The following TMEM63A variants were observed in gnomAD, a reference collection of about 807,000 sequenced individuals.
TMEM63A encodes the protein mechanosensitive cation channel TMEM63A.
A neutral mutation model predicts 100.6 loss-of-function variants in TMEM63A; 76 were observed. That is an observed-to-expected ratio of 0.76 (90% CI 0.63 to 0.91). TMEM63A has a LOEUF of 0.91. Ranked by LOEUF, TMEM63A falls within the 40% of genes least tolerant of loss-of-function variation. The probability of loss-of-function intolerance (pLI) is 0.00; values close to 1 mark genes in which losing one functional copy is unlikely to be tolerated. For synonymous variants in TMEM63A, 401 were observed against 401.1 expected (o/e 1.00, Z 0.00); for missense variants, 876 against 1,008.8 (o/e 0.87, Z 1.78).
chr1:225,866,562 C>G lies in TMEM63A; in HGVS notation c.675+12G>C. 1 of 1,612,160 alleles carries G rather than the reference C, an allele frequency of 6.2e-7. No homozygotes were observed. Among genetic ancestry groups the G allele is most frequent in the Admixed American group, 1.7e-5 (1 of 59,950 alleles). ...CCTCCCAGCACATGTCCCTAAGTCC[C>G]GCCTCACTCACCAGGTTCTCCTCTT... On this transcript the variant is annotated intron_variant, in intron 9 of 24. Coordinates refer to ENST00000366835, the MANE Select transcript of TMEM63A (RefSeq NM_014698.3).
At chr1:225,880,743 A>T (rs1559055440) in intron 1 of TMEM63A, among the ~76,000 whole-genome samples, 1 of 152,208 alleles carries the variant, frequency 6.6e-6, no homozygotes, top group African/African-American at 2.4e-5. Context: ...CAAGCGTCTG[A>T]TTGTGGCCAG....
chr1:225,870,245 T>C (rs188670168), intron 6 of TMEM63A, among the ~76,000 whole-genome samples: 2 of 151,408 alleles, frequency 1.3e-5, no homozygotes, highest in Non-Finnish European at 2.9e-5. Context: ...TCAGCTACTC[T>C]GGAGGCTGAG....
rs906189846 is a variant in TMEM63A at position 225,846,666 on chromosome 1, T to C, written c.*273A>G. ...CTCTCCATATATTCTCCCGGACTCA[T>C]CAGTTTGGGGGGCGAAAAGTCCACC... On this transcript the variant is annotated 3_prime_UTR_variant, in exon 25 of 25. Coordinates refer to ENST00000366835, the MANE Select transcript of TMEM63A (RefSeq NM_014698.3). 2 of 192,508 alleles carry C rather than the reference T, an allele frequency of 1.0e-5. No homozygotes were observed. The highest frequency in any genetic ancestry group is 4.7e-5 in the African/African-American group (2 of 42,990). 11.9% of individuals were successfully genotyped at this position (192,508 alleles called of 1,614,324 possible). A position where few individuals can be genotyped will look rare whatever the true frequency, so the allele number is the denominator to read the frequency against.
At position 225,865,793 on chromosome 1, in the gene TMEM63A, A is replaced by C; in HGVS notation, c.746+104T>G. The C allele has an allele frequency of 8.5e-7, 1 of 1,170,546 alleles. No individual in the cohort carries two copies. Among genetic ancestry groups the C allele is most frequent in the South Asian group, 1.3e-5 (1 of 75,374 alleles). 72.5% of individuals were successfully genotyped at this position (1,170,546 alleles called of 1,614,324 possible). On this transcript the variant is annotated intron_variant, in intron 10 of 24. Coordinates refer to ENST00000366835, the MANE Select transcript of TMEM63A (RefSeq NM_014698.3). The surrounding 1 kb of genome is among the most constrained non-coding windows in gnomAD (Gnocchi z 4.6). ...TTCTCAGATCTCACCTGGATACCCA[A>C]GCGAGAGACAGAAGGCGCTCACCTA...
At chr1:225,870,927 C>T (rs1208122381) in intron 6 of TMEM63A, 149 bp downstream of exon 6, 1 of 737,518 alleles carries the variant, frequency 1.4e-6, no homozygotes. Context: ...TGATTCTCAG[C>T]CCTCACATAC....
chr1:225,881,027 G>A (rs917117374), intron 1 of TMEM63A, among the ~76,000 whole-genome samples: 1 of 152,240 alleles, frequency 6.6e-6, no homozygotes, highest in Admixed American at 6.5e-5. Context: ...TTCTGCCTCA[G>A]GAGCTAACTC....
intron 22 of TMEM63A, 58 bp from the exon 23 acceptor site, chr1:225,848,612 A>C: frequency 6.4e-7 from 1 of 1,554,664 alleles, no homozygotes. Flanking sequence ...GTGAACAAAC[A>C]CCCTCCAAAC....
Position 225,866,614 on chromosome 1 carries a change from C to A in TMEM63A, c.635G>T (p.Arg212Leu). The change falls in exon 9 of 25, where the codon CGG becomes CTG. Residue 212 changes from arginine (R) to leucine (L), a missense_variant. Transcript: ENST00000366835. ...IYLFLTVGFM[R>L]HHTQSIKYKE... ...GTACTTAATGGACTGAGTGTGGTGC[C>A]GCATGAAACCCACAGTGAGGAAGAG... is the stretch of plus-strand genomic sequence containing the variant. 6.2e-7 allele frequency: 1 copy of A among 1,614,014 alleles called. No homozygotes were observed. Among genetic ancestry groups the A allele is most frequent in the South Asian group, 1.1e-5 (1 of 91,064 alleles).
Position 225,865,779 on chromosome 1 carries a change from C to T in TMEM63A, c.746+118G>A, listed in dbSNP as rs2102627850. ...GCAGGGCCAGGTCCTTCTCAGATCTCACCTGGATACCCAAGCGAGAGACAG... is the reference window on the plus strand; with the variant it reads ...GCAGGGCCAGGTCCTTCTCAGATCTTACCTGGATACCCAAGCGAGAGACAG... On this transcript the variant is annotated intron_variant, in intron 10 of 24. Transcript: ENST00000366835. This position sits in a 1 kb window ranked among gnomAD's most constrained non-coding sequence, Gnocchi z 4.6. 9.7e-7 allele frequency: 1 copy of T among 1,028,058 alleles called. No homozygotes were observed. The highest frequency in any genetic ancestry group is 1.5e-6 in the Non-Finnish European group (1 of 687,806). The allele number at this position is 1,028,058 out of a possible 1,614,324, so 63.7% of individuals were successfully genotyped here.
intron 10 of TMEM63A, chr1:225,863,902 GA>G (rs1670067617): frequency 8.4e-6 from 1 of 118,720 alleles, no homozygotes; most frequent in Admixed American, 9.6e-5. Flanking sequence ...GCAACAGAGT[GA>G]GACTCCGTCT....
chr1:225,850,628 C>G (rs987526234), intron 20 of TMEM63A, among the ~76,000 whole-genome samples: 1 of 152,198 alleles, frequency 6.6e-6, no homozygotes, highest in African/African-American at 2.4e-5. Context: ...TAAATGCGAA[C>G]TTCGCCTGGC....
chr1:225,860,641 TG>T, intron 14 of TMEM63A: 1 of 404,796 alleles, frequency 2.5e-6, no homozygotes, highest in Non-Finnish European at 4.3e-6. Flanking sequence ...ATATTTCTGC[TG>T]GGTAGCACTT....
intron 1 of TMEM63A, among the ~76,000 whole-genome samples, chr1:225,881,631 C>T (rs1181852500): frequency 6.6e-6 from 1 of 152,214 alleles, no homozygotes; most frequent in East Asian, 1.9e-4. Flanking sequence ...AAGGGAGGGT[C>T]AGTGGGTCCG....
At chr1:225,861,154 C>T (rs774677812) in intron 13 of TMEM63A, 157 bp from the exon 14 acceptor site, 54 of 727,816 alleles carry the variant, frequency 7.4e-5, no homozygotes, top group African/African-American at 1.3e-4. Context: ...AGAGGTGCCA[C>T]GCTAGCACAG....
intron 1 of TMEM63A, among the ~76,000 whole-genome samples, chr1:225,880,058 G>A (rs2102651163): frequency 6.6e-6 from 1 of 152,266 alleles, no homozygotes; most frequent in Non-Finnish European, 1.5e-5. Flanking sequence ...CCCCAGTCAT[G>A]CCTCTAAGTT....
At chr1:225,844,634 C>T, downstream of TMEM63A, 1 of 1,613,736 alleles carries the variant, frequency 6.2e-7, no homozygotes, top group Non-Finnish European at 8.5e-7. Context: ...GTGAGCCTGG[C>T]TGAGCCGAGA....
chr1:225,845,103 C>CAGGGCCA (rs760222387), downstream of TMEM63A: 38 of 1,603,892 alleles, frequency 2.4e-5, no homozygotes, highest in African/African-American at 3.9e-4. Context: ...CGGAGGGGCG[C>CAGGGCCA]AGGGCCACAG....
In TMEM63A at chr1:225,867,123, GT is replaced by G; in HGVS notation, c.554del (p.Asn185ThrfsTer42). 6.2e-7 allele frequency: 1 copy of G among 1,614,112 alleles called. No homozygotes were observed. ...GGCTCCATACTCACTCAGTCTGTAG[GT>G]TTGCTATTGTTGTCCTCCCAAAACT... ...PYSFGRTTIA[N>X]LQTDNDLLWL... On this transcript the variant is annotated frameshift_variant, in exon 8 of 25. Coordinates refer to ENST00000366835, the MANE Select transcript of TMEM63A (RefSeq NM_014698.3). LOFTEE classifies it high-confidence loss of function. The surrounding 1 kb of genome is among the most constrained non-coding windows in gnomAD (Gnocchi z 4.6).
At chr1:225,850,741 A>G (rs1669286236) in intron 20 of TMEM63A, among the ~76,000 whole-genome samples, 1 of 151,972 alleles carries the variant, frequency 6.6e-6, no homozygotes. Flanking sequence ...TTTGAGACAG[A>G]GTCTCTGTTG....
Sources: gnomAD v4.1 joint callset for allele counts (sites outside exome capture counted in the v4.1 genomes callset) on GRCh38, gnomAD v4.1.1 for gene constraint, Gnocchi (gnomAD v3.1) non-coding constraint, MANE v1.5 for transcripts, NCBI Gene and HGNC (gene_info 2026-07-23, HGNC 2026-07-21) for gene names.